The following USP43 variants were observed in gnomAD, a reference collection of about 807,000 sequenced individuals.
USP43 encodes ubiquitin carboxyl-terminal hydrolase 43.
Under a neutral mutation model 90.7 loss-of-function variants are expected in USP43, and 33 were observed. The observed-to-expected ratio is 0.36, with a 90% CI of 0.28 to 0.49. The LOEUF (loss-of-function observed/expected upper bound fraction) is 0.49, where lower values mean the gene tolerates loss of function less well. Ranked by LOEUF, USP43 falls within the 20% of genes least tolerant of loss-of-function variation. The probability of loss-of-function intolerance (pLI) is 0.98; values close to 1 mark genes in which losing one functional copy is unlikely to be tolerated. For synonymous variants in USP43, 598 were observed against 615.8 expected (o/e 0.97, Z 0.43); for missense variants, 1,274 against 1,476.4 (o/e 0.86, Z 2.25).
At chr17:9,671,435 C>T (rs368738390) in intron 3 of USP43, among the ~76,000 whole-genome samples, 20 of 152,220 alleles carry the variant, frequency 1.3e-4, no homozygotes, top group African/African-American at 3.6e-4. Context: ...TTTGCATAGA[C>T]GTCAGATCCA....
intron 14 of USP43, 73 bp downstream of exon 14, chr17:9,712,205 G>A (rs959183834): frequency 2.1e-5 from 30 of 1,432,078 alleles, no homozygotes; most frequent in South Asian, 4.8e-5. Context: ...GTATGAAAGC[G>A]CTGTCACTTC....
intron 3 of USP43, among the ~76,000 whole-genome samples, chr17:9,668,906 G>T (rs1388735483): frequency 6.6e-6 from 1 of 152,098 alleles, no homozygotes; most frequent in African/African-American, 2.4e-5. Context: ...CACGATCTTG[G>T]TTCACTGCAA....
At chr17:9,691,018 T>C (rs951326458) in intron 8 of USP43, among the ~76,000 whole-genome samples, 2 of 152,212 alleles carry the variant, frequency 1.3e-5, no homozygotes, top group Non-Finnish European at 2.9e-5. Flanking sequence ...TAGAATAATA[T>C]AATATTTATC....
intron 12 of USP43, among the ~76,000 whole-genome samples, chr17:9,707,372 C>T (rs1387958163): frequency 2.0e-5 from 3 of 152,098 alleles, no homozygotes; most frequent in African/African-American, 4.8e-5. Context: ...TTTGGCCAGG[C>T]GCGGTGGCTC....
chr17:9,671,817 G>T (rs1024432270), intron 3 of USP43, among the ~76,000 whole-genome samples: 2 of 152,076 alleles, frequency 1.3e-5, no homozygotes, highest in Non-Finnish European at 2.9e-5. Context: ...CCACATAGGG[G>T]TATTGCTCTA....
intron 9 of USP43, among the ~76,000 whole-genome samples, chr17:9,696,020 AT>A (rs911935686): frequency 8.8e-4 from 133 of 151,862 alleles, no homozygotes; most frequent in African/African-American, 2.9e-3. Flanking sequence ...ATCTCCTAGA[AT>A]TTTTTTTGTC....
chr17:9,698,140 G>C (rs1915381821), intron 9 of USP43, among the ~76,000 whole-genome samples: 2 of 152,112 alleles, frequency 1.3e-5, no homozygotes, highest in Non-Finnish European at 2.9e-5. Flanking sequence ...GTCTTCTTTG[G>C]AGAGATGTCT....
chr17:9,679,860 AT>A (rs34643330), intron 5 of USP43, among the ~76,000 whole-genome samples: 2 of 151,860 alleles, frequency 1.3e-5, no homozygotes, highest in African/African-American at 2.4e-5. Context: ...TTTGGTAAAA[AT>A]TTTTTTTATG....
At position 9,668,928 on chromosome 17, in the gene USP43, C is replaced by T. The variant is rs140051423; in HGVS notation, c.740+2177C>T. 4.2e-3 allele frequency among the ~76,000 whole-genome samples: 635 copies of T among 152,170 alleles called. 2 individuals are homozygous for T. Among genetic ancestry groups the T allele is most frequent in the African/African-American group, 0.013 (557 of 41,526 alleles). ...TTGGTTCACTGCAACCTCCACTTCC[C>T]GGGTTCAAGTGATTTTCCTGCCTCA... is the stretch of plus-strand genomic sequence containing the variant. On this transcript the variant is annotated intron_variant, in intron 3 of 14. Transcript: ENST00000285199.
At chr17:9,663,684 C>T (rs1057061400) in intron 2 of USP43, among the ~76,000 whole-genome samples, 30 of 151,998 alleles carry the variant, frequency 2.0e-4, no homozygotes, top group Admixed American at 2.0e-3. Context: ...AGTGCAGTGT[C>T]GCAATCTCGG....
rs1204145733 is a variant in USP43 at position 9,645,877 on chromosome 17, G to T, written c.245G>T (p.Gly82Val). 7 of 1,432,588 alleles carry T rather than the reference G, an allele frequency of 4.9e-6. No individual in the cohort carries two copies. In the African/African-American group the frequency reaches 6.0e-5, roughly 12 times the overall value. The allele number at this position is 1,432,588 out of a possible 1,614,324, so 88.7% of individuals were successfully genotyped here. A position where few individuals can be genotyped will look rare whatever the true frequency, so the allele number is the denominator to read the frequency against. ...AGCCCCGGGGAGGAACGCCCGCCCG[G>T]ACCCCAGCCCCAGCTCCAGCTCCCC... ...PGSPGEERPP[G>V]PQPQLQLPAG... The change falls in exon 1 of 15, where the codon GGA (glycine) becomes GTA (valine). Residue 82 changes from glycine (G) to valine (V), a missense_variant. By Grantham distance (109) the Gly-to-Val change is moderately radical. Transcript: ENST00000285199. This position sits in a 1 kb window ranked among gnomAD's most constrained non-coding sequence, Gnocchi z 6.8.
At position 9,681,480 on chromosome 17, in the gene USP43, A is replaced by T. The variant is rs1236284312; in HGVS notation, c.1105+1114A>T. Among the ~76,000 whole-genome samples, 85 of 24,278 alleles carry T rather than the reference A, an allele frequency of 3.5e-3. 2 individuals carry two copies. Among genetic ancestry groups the T allele is most frequent in the African/African-American group, 0.025 (80 of 3,198 alleles). The allele number at this position is 24,278 out of a possible 152,430, so 15.9% of individuals were successfully genotyped here. A position where few individuals can be genotyped will look rare whatever the true frequency, so the allele number is the denominator to read the frequency against. On this transcript the variant is annotated intron_variant, in intron 6 of 14. Coordinates refer to ENST00000285199, the MANE Select transcript of USP43 (RefSeq NM_153210.5). ...AAATATATTATATATATATATATAT[A>T]TATATATATATATATATATATATAT...
At chr17:9,652,932 T>C (rs754122968) in intron 1 of USP43, among the ~76,000 whole-genome samples, 1 of 152,210 alleles carries the variant, frequency 6.6e-6, no homozygotes, top group Non-Finnish European at 1.5e-5. Context: ...ATCTCAAATA[T>C]GTATTTTTGC....
chr17:9,701,279 A>AG lies in USP43; in HGVS notation c.1662+39dup, dbSNP rs750590822. 1 of 1,598,294 alleles carries AG rather than the reference A, an allele frequency of 6.3e-7. No individual in the cohort carries two copies. Among genetic ancestry groups the AG allele is most frequent in the Admixed American group, 1.7e-5 (1 of 58,218 alleles). On this transcript the variant is annotated intron_variant, in intron 11 of 14. Coordinates refer to ENST00000285199, the MANE Select transcript of USP43 (RefSeq NM_153210.5). The surrounding 1 kb of genome is among the most constrained non-coding windows in gnomAD (Gnocchi z 7.2). ...CTGGGGGTCCATGCCCCGGCCGGGA[A>AG]GGGGGCTGGCTGCCTTTGGTGGGTT...
rs766128229 is a variant in USP43, at chr17:9,710,159, CT to C, written c.2170+48del. 5.8e-6 allele frequency: 8 copies of C among 1,381,082 alleles called. No individual in the cohort carries two copies. In the African/African-American group the frequency reaches 7.4e-5, roughly 13 times the overall value. 85.6% of individuals were successfully genotyped at this position (1,381,082 alleles called of 1,614,324 possible). ...ACAGGAGGGGGGTGTGGGGAAGTCA[CT>C]TTAAGAACTGGGAAGAGGCTCAGTT... On this transcript the variant is annotated intron_variant, in intron 13 of 14. Transcript: ENST00000285199.
intron 14 of USP43, among the ~76,000 whole-genome samples, chr17:9,716,103 T>TG (rs879648258): frequency 0.12 from 17,815 of 151,436 alleles, 2,077 homozygotes; most frequent in African/African-American, 0.31. Context: ...TGTGTGTGTG[T>TG]TTGTGTGTCT....
In USP43 at chr17:9,728,839, G is replaced by A. The variant is rs769665059; in HGVS notation, c.3221G>A (p.Arg1074His). The change falls in exon 15 of 15, where the codon CGT (arginine) becomes CAT (histidine). Residue 1074 changes from arginine to histidine, a missense_variant. Coordinates refer to ENST00000285199, the MANE Select transcript of USP43 (RefSeq NM_153210.5). The surrounding 1 kb of genome is among the most constrained non-coding windows in gnomAD (Gnocchi z 6.2). Reference sequence around the variant, plus strand: ...GCCCCCAGCTCTCTCCGCCTCCCTCGTAAAGCCAGCAGGGCCCCGAGAGGC... The same window carrying A: ...GCCCCCAGCTCTCTCCGCCTCCCTCATAAAGCCAGCAGGGCCCCGAGAGGC... ...WSAPSSLRLP[R>H]KASRAPRGSA... 15 of 1,613,856 alleles carry A rather than the reference G, an allele frequency of 9.3e-6. No homozygotes were observed. The Admixed American group carries it at 1.2e-4, about 13-fold the overall frequency.
rs751019443 is a variant in USP43, at chr17:9,710,040, C to A, written c.2096C>A (p.Thr699Asn). The change falls in exon 13 of 15, where the codon ACC (threonine) becomes AAC (asparagine). Residue 699 changes from threonine (T) to asparagine (N), a missense_variant. Transcript: ENST00000285199. ...VEPLREDEVN[T>N]RGAYILFYQK... ...CCGCTTCGAGAAGATGAGGTCAACA[C>A]CAGAGGGGCTTATATCCTGTTCTAT... 2.5e-6 allele frequency: 4 copies of A among 1,575,026 alleles called. No homozygotes were observed. Among genetic ancestry groups the A allele is most frequent in the Non-Finnish European group, 3.4e-6 (4 of 1,160,412 alleles).
intron 1 of USP43, among the ~76,000 whole-genome samples, chr17:9,654,424 G>A (rs1346597526): frequency 1.3e-5 from 2 of 151,930 alleles, no homozygotes; most frequent in African/African-American, 4.8e-5. Flanking sequence ...CGAGGCGGGC[G>A]GGATCACCTG....
Sources: allele counts gnomAD v4.1 joint callset (sites outside exome capture counted in the v4.1 genomes callset), GRCh38; gene constraint gnomAD v4.1.1; non-coding constraint Gnocchi (gnomAD v3.1); transcripts MANE v1.5; gene names NCBI Gene and HGNC (gene_info 2026-07-23, HGNC 2026-07-21).